The following NKAIN2 variants were observed in gnomAD, a reference collection of about 807,000 sequenced individuals.
NKAIN2 encodes sodium/potassium-transporting ATPase subunit beta-1-interacting protein 2.
A neutral mutation model predicts 32.6 loss-of-function variants in NKAIN2; 14 were observed. The observed-to-expected ratio is 0.43, with a 90% CI of 0.28 to 0.67. The LOEUF (loss-of-function observed/expected upper bound fraction) is 0.67, where lower values mean the gene tolerates loss of function less well. Among genes scored for constraint, NKAIN2 ranks in the 30% least tolerant of loss-of-function variants. The probability of loss-of-function intolerance (pLI) is 0.17; values close to 1 mark genes in which losing one functional copy is unlikely to be tolerated. For missense variants in NKAIN2, 198 were observed against 258.3 expected (o/e 0.77, Z 1.60); for synonymous variants, 80 against 87.2 (o/e 0.92, Z 0.46).
chr6:124,198,127 A>G (rs781106200), intron 1 of NKAIN2, among the ~76,000 whole-genome samples: 23 of 151,996 alleles, frequency 1.5e-4, no homozygotes, highest in Non-Finnish European at 2.1e-4. Context: ...CATAACTCCA[A>G]TAACTCTAGA....
chr6:123,828,312 C>T (rs753591632), intron 1 of NKAIN2, among the ~76,000 whole-genome samples: 7 of 152,128 alleles, frequency 4.6e-5, no homozygotes, highest in Non-Finnish European at 7.4e-5. Context: ...TGGTTAACCT[C>T]GAGGACTGCT....
chr6:124,289,635 C>T (rs1467633987), intron 2 of NKAIN2, among the ~76,000 whole-genome samples: 3 of 152,060 alleles, frequency 2.0e-5, no homozygotes, highest in Admixed American at 6.6e-5. Flanking sequence ...TGATAATTGC[C>T]GTGATTTGAT....
At chr6:124,726,421 C>G (rs1776313682) in intron 4 of NKAIN2, among the ~76,000 whole-genome samples, 1 of 152,182 alleles carries the variant, frequency 6.6e-6, no homozygotes, top group African/African-American at 2.4e-5. Flanking sequence ...AGCAGCCTAA[C>G]TGGGAGGCAC....
In NKAIN2 at chr6:124,557,363, A is replaced by G. The variant is rs1780515028; in HGVS notation, c.274-100823A>G. ...CCTTTCCCTAAAAAAAAACTCTTTG[A>G]GTTACATGTTGCTTTATAGCCCTGC... is the stretch of plus-strand genomic sequence containing the variant. On this transcript the variant is annotated intron_variant, in intron 3 of 6. Transcript: ENST00000368417. 2.0e-5 allele frequency among the ~76,000 whole-genome samples: 3 copies of G among 152,252 alleles called. No homozygotes were observed. In the South Asian group the frequency reaches 6.2e-4, roughly 32 times the overall value.
At chr6:124,316,347 A>C (rs1051578152) in intron 2 of NKAIN2, among the ~76,000 whole-genome samples, 3 of 152,122 alleles carry the variant, frequency 2.0e-5, no homozygotes, top group Non-Finnish European at 4.4e-5. Context: ...TCTCATAACT[A>C]CATGTATGTC....
At chr6:124,538,305 G>A (rs1779790324) in intron 3 of NKAIN2, among the ~76,000 whole-genome samples, 1 of 151,584 alleles carries the variant, frequency 6.6e-6, no homozygotes, top group Non-Finnish European at 1.5e-5. Context: ...GTCTTTATTT[G>A]GCCTTTATTC....
intron 1 of NKAIN2, among the ~76,000 whole-genome samples, chr6:124,158,005 C>A (rs1010688696): frequency 6.6e-6 from 1 of 152,142 alleles, no homozygotes; most frequent in African/African-American, 2.4e-5. Context: ...ATCAAAATTT[C>A]TATTACTGAA....
intron 3 of NKAIN2, among the ~76,000 whole-genome samples, chr6:124,447,220 C>G (rs902400753): frequency 6.6e-6 from 1 of 152,000 alleles, no homozygotes; most frequent in South Asian, 2.1e-4. Context: ...AGAATGCCCC[C>G]GTTGTAATAT....
chr6:124,556,481 G>C (rs680257), intron 3 of NKAIN2, among the ~76,000 whole-genome samples: 36,102 of 151,976 alleles, frequency 0.24, 4,495 homozygotes, highest in Middle Eastern at 0.33. Flanking sequence ...GTGGGTTCCT[G>C]ATAAAAGGAT....
rs373806899 is a variant in NKAIN2, at chr6:124,700,931, A to G, written c.474+42545A>G. Among the ~76,000 whole-genome samples the G allele has an allele frequency of 3.5e-4, 53 of 150,234 alleles. No individual in the cohort carries two copies. The East Asian group carries it at 9.9e-3, about 28-fold the overall frequency. On this transcript the variant is annotated intron_variant, in intron 4 of 6. Transcript: ENST00000368417. ...ATCATGAAAGAGACAATTTCTATGT[A>G]TGCGTGAATATAGAAAATACACACA...
chr6:124,694,951 G>A (rs1327249266), intron 4 of NKAIN2, among the ~76,000 whole-genome samples: 5 of 133,982 alleles, frequency 3.7e-5, no homozygotes, highest in Non-Finnish European at 8.2e-5. Flanking sequence ...CTTTTGTTAT[G>A]GAGTTATTGA....
chr6:124,587,439 C>T (rs1338955095), intron 3 of NKAIN2, among the ~76,000 whole-genome samples: 3 of 151,450 alleles, frequency 2.0e-5, no homozygotes, highest in East Asian at 1.9e-4. Context: ...AGGCTGGTCT[C>T]GAACTCCTGA....
At chr6:124,667,222 C>T (rs1008261244) in intron 4 of NKAIN2, among the ~76,000 whole-genome samples, 1 of 151,962 alleles carries the variant, frequency 6.6e-6, no homozygotes, top group African/African-American at 2.4e-5. Context: ...TGTTTGGAAA[C>T]ATCAGGGAAT....
chr6:123,989,211 G>A (rs1296875961), intron 1 of NKAIN2, among the ~76,000 whole-genome samples: 2 of 152,110 alleles, frequency 1.3e-5, no homozygotes, highest in African/African-American at 4.8e-5. Flanking sequence ...GAATGGCTCT[G>A]ATAACTGGGT....
At chr6:124,703,836 T>C (rs1774918442) in intron 4 of NKAIN2, among the ~76,000 whole-genome samples, 1 of 151,898 alleles carries the variant, frequency 6.6e-6, no homozygotes, top group Non-Finnish European at 1.5e-5. Context: ...AGTTTGTGGG[T>C]GAATCTGGAA....
At chr6:124,509,078 C>A (rs1214022793) in intron 3 of NKAIN2, among the ~76,000 whole-genome samples, 1 of 152,160 alleles carries the variant, frequency 6.6e-6, no homozygotes, top group Admixed American at 6.5e-5. Context: ...CAACTCAATT[C>A]ATAACAGTTA....
chr6:124,561,951 A>T (rs1583442759), intron 3 of NKAIN2, among the ~76,000 whole-genome samples: 1 of 152,194 alleles, frequency 6.6e-6, no homozygotes, highest in Non-Finnish European at 1.5e-5. Flanking sequence ...ACTGACTTCA[A>T]TCTGGGCAGA....
chr6:124,716,068 A>G (rs1399794829), intron 4 of NKAIN2, among the ~76,000 whole-genome samples: 1 of 152,204 alleles, frequency 6.6e-6, no homozygotes, highest in Non-Finnish European at 1.5e-5. Flanking sequence ...TTTAAAGTCT[A>G]TTGGCAACAA....
chr6:124,001,800 AATATATATAT>A (rs10567719), intron 1 of NKAIN2, among the ~76,000 whole-genome samples: 1,976 of 135,096 alleles, frequency 0.015, 30 homozygotes, highest in Middle Eastern at 0.04. Context: ...CTTAGTTCTA[AATATATATAT>A]ATATATATAT....
Sources: gnomAD v4.1 joint callset for allele counts (sites outside exome capture counted in the v4.1 genomes callset) on GRCh38, gnomAD v4.1.1 for gene constraint, MANE v1.5 for transcripts, NCBI Gene and HGNC (gene_info 2026-07-23, HGNC 2026-07-21) for gene names.